The following RAD52 variants were observed in gnomAD, a reference collection of about 807,000 sequenced individuals.
RAD52 encodes the protein RAD52 DNA repair protein.
A neutral mutation model predicts 55.5 loss-of-function variants in RAD52; 47 were observed. The observed-to-expected ratio is 0.85, with a 90% CI of 0.67 to 1.08. RAD52 has a LOEUF of 1.08. RAD52 is among the 50% of genes least tolerant of loss of function. The pLI is 0.00. For missense variants in RAD52, 468 were observed against 522.8 expected (o/e 0.90, Z 1.02); for synonymous variants, 184 against 198.9 (o/e 0.92, Z 0.63).
intron 1 of RAD52, among the ~76,000 whole-genome samples, chr12:956,840 C>T (rs561033331): frequency 6.6e-6 from 1 of 152,298 alleles, no homozygotes; most frequent in South Asian, 2.1e-4. Context: ...AGCCACCGCG[C>T]CTGGCCCCAT....
intron 1 of RAD52, among the ~76,000 whole-genome samples, chr12:961,404 T>A (rs1206370755): frequency 6.6e-6 from 1 of 151,412 alleles, no homozygotes; most frequent in Non-Finnish European, 1.5e-5. Context: ...CCCAAATTCA[T>A]GTGTTGAACC....
intron 7 of RAD52, among the ~76,000 whole-genome samples, chr12:919,381 G>A (rs747497643): frequency 4.6e-4 from 70 of 152,206 alleles, no homozygotes; most frequent in Non-Finnish European, 7.8e-4. Flanking sequence ...ACGAGGCAGA[G>A]GTTGCAGTGA....
intron 9 of RAD52, among the ~76,000 whole-genome samples, chr12:915,300 A>G (rs1956297781): frequency 6.6e-6 from 1 of 152,242 alleles, no homozygotes; most frequent in Admixed American, 6.5e-5. Context: ...AACACCTGCA[A>G]TAACTCAACA....
intron 2 of RAD52, 128 bp from the exon 3 acceptor site, chr12:931,449 T>C: frequency 1.6e-6 from 1 of 623,888 alleles, no homozygotes; most frequent in Admixed American, 3.2e-5. Context: ...GTGGGTTCTA[T>C]GTATCCTATT....
intron 7 of RAD52, among the ~76,000 whole-genome samples, chr12:924,035 G>A (rs559223503): frequency 6.6e-6 from 1 of 150,470 alleles, no homozygotes; most frequent in South Asian, 2.1e-4. Context: ...CTCCAGCCTG[G>A]GCGACAGAGT....
intron 1 of RAD52, among the ~76,000 whole-genome samples, chr12:946,464 G>A (rs949922602): frequency 6.6e-6 from 1 of 152,138 alleles, no homozygotes; most frequent in African/African-American, 2.4e-5. Context: ...TGTTTTATGT[G>A]TGCTTCTGTT....
intron 1 of RAD52, among the ~76,000 whole-genome samples, chr12:969,126 G>A (rs1047070465): frequency 6.6e-6 from 1 of 152,092 alleles, no homozygotes; most frequent in African/African-American, 2.4e-5. Context: ...ATCTAGAGGT[G>A]ATTTAAAGTA....
chr12:920,399 AC>A (rs1956656333), intron 7 of RAD52, among the ~76,000 whole-genome samples: 1 of 59,594 alleles, frequency 1.7e-5, no homozygotes, highest in African/African-American at 8.0e-5. Flanking sequence ...TACTAAAAAT[AC>A]AAAAAATTAG....
chr12:934,618 G>A (rs1212812923), intron 1 of RAD52, among the ~76,000 whole-genome samples: 2 of 152,138 alleles, frequency 1.3e-5, no homozygotes, highest in Admixed American at 6.6e-5. Context: ...TTTCAGAGAA[G>A]CAATACCCAA....
At chr12:948,095 G>A (rs1368560424) in intron 1 of RAD52, among the ~76,000 whole-genome samples, 1 of 151,730 alleles carries the variant, frequency 6.6e-6, no homozygotes, top group Non-Finnish European at 1.5e-5. Context: ...GAAACAAAAT[G>A]TGGTATATCC....
chr12:926,849 C>T (rs369123317), intron 6 of RAD52: 5 of 1,536,728 alleles, frequency 3.3e-6, no homozygotes, highest in Non-Finnish European at 4.4e-6. Context: ...GCTGTCTGTG[C>T]ACTCGCAGTA....
intron 1 of RAD52, among the ~76,000 whole-genome samples, chr12:961,743 A>G (rs75190261): frequency 6.6e-6 from 1 of 152,052 alleles, no homozygotes; most frequent in South Asian, 2.1e-4. Flanking sequence ...TGCACCTGTA[A>G]TCCCAGCTAC....
At chr12:935,862 AAATAAATAAAT>A (rs1565677878) in intron 1 of RAD52, among the ~76,000 whole-genome samples, 410 of 2,054 alleles carry the variant, frequency 0.2, 10 homozygotes, top group Admixed American at 0.46. Context: ...TCAAAAAAAT[AAATAAATAAAT>A]AAATAAATAA....
At chr12:945,292 A>G (rs1301850782) in intron 1 of RAD52, among the ~76,000 whole-genome samples, 1 of 151,336 alleles carries the variant, frequency 6.6e-6, no homozygotes, top group Non-Finnish European at 1.5e-5. Flanking sequence ...CGAAGGTTGC[A>G]GTGAGCCAAG....
chr12:988,810 G>T (rs1000375458), intron 1 of RAD52, among the ~76,000 whole-genome samples: 1 of 150,932 alleles, frequency 6.6e-6, no homozygotes, highest in African/African-American at 2.5e-5. Context: ...ATGACACCAC[G>T]TCCTTCATGA....
chr12:952,650 G>A (rs1299080960), upstream of RAD52, among the ~76,000 whole-genome samples: 1 of 151,408 alleles, frequency 6.6e-6, no homozygotes, highest in Non-Finnish European at 1.5e-5. Flanking sequence ...ACTTTGGGAG[G>A]TCAAGACGAG....
intron 4 of RAD52, 61 bp downstream of exon 4, chr12:929,990 A>G (rs1220170494): frequency 6.3e-7 from 1 of 1,583,210 alleles, no homozygotes; most frequent in Non-Finnish European, 8.7e-7. Flanking sequence ...CCTCACCCAC[A>G]GCAGACTTTC....
intron 1 of RAD52, among the ~76,000 whole-genome samples, chr12:966,218 C>CTT (rs1958765900): frequency 3.3e-5 from 5 of 151,910 alleles, no homozygotes; most frequent in South Asian, 2.1e-4. Context: ...CCTCCCACTC[C>CTT]AGCCTCCCTA....
intron 2 of RAD52, 52 bp from the exon 3 acceptor site, chr12:931,373 CATT>C (rs758901170): frequency 9.5e-5 from 126 of 1,332,018 alleles, no homozygotes; most frequent in Non-Finnish European, 1.2e-4. Context: ...TTCCTCACAT[CATT>C]GAGTCTCCAT....
Sources: gnomAD v4.1 joint callset for allele counts (sites outside exome capture counted in the v4.1 genomes callset) on GRCh38, gnomAD v4.1.1 for gene constraint, MANE v1.5 for transcripts, NCBI Gene and HGNC (gene_info 2026-07-23, HGNC 2026-07-21) for gene names.